The following KLHL32 variants were observed in gnomAD, a reference collection of about 807,000 sequenced individuals.
The protein encoded by KLHL32 is kelch like family member 32.
A neutral mutation model predicts 64.8 loss-of-function variants in KLHL32; 35 were observed. The observed-to-expected ratio is 0.54, with a 90% CI of 0.41 to 0.72. KLHL32 has a LOEUF of 0.72. Ranked by LOEUF, KLHL32 falls within the 30% of genes least tolerant of loss-of-function variation. The pLI, the probability that KLHL32 is intolerant of heterozygous loss-of-function variation, is 0.00. For missense variants in KLHL32, 589 were observed against 768.5 expected (o/e 0.77, Z 2.76); for synonymous variants, 259 against 281.0 (o/e 0.92, Z 0.78).
chr6:97,139,408 C>CA lies in KLHL32; in HGVS notation c.*132dup, dbSNP rs1401545862. ...GGTCTTATATTCGGATAAATTTAAGCAAAAAATGAACAATTTTCTAAAATA... is the reference window on the plus strand; with the variant it reads ...GGTCTTATATTCGGATAAATTTAAGCAAAAAAATGAACAATTTTCTAAAATA... On this transcript the variant is annotated 3_prime_UTR_variant, in exon 11 of 11. Coordinates refer to ENST00000369261, the MANE Select transcript of KLHL32 (RefSeq NM_052904.4). The CA allele has an allele frequency of 4.8e-6, 4 of 832,108 alleles. No homozygotes were observed. The East Asian group carries it at 7.9e-5, about 16-fold the overall frequency. 51.5% of individuals were successfully genotyped at this position (832,108 alleles called of 1,614,324 possible).
chr6:96,916,017 A>G, the KLHL32 span, among the ~76,000 whole-genome samples: 329 of 152,362 alleles, frequency 2.2e-3, no homozygotes, highest in Non-Finnish European at 3.7e-3. Flanking sequence ...AAAGGAGTTT[A>G]ATTGAGTAAT....
At chr6:97,036,757 C>T (rs1407891114) in intron 3 of KLHL32, among the ~76,000 whole-genome samples, 2 of 152,102 alleles carry the variant, frequency 1.3e-5, no homozygotes, top group Non-Finnish European at 2.9e-5. Flanking sequence ...CAGGTGTGGG[C>T]TCATGTGAAG....
rs190488195 is a variant in KLHL32 at position 97,062,685 on chromosome 6, G to A, written c.313-1943G>A. ...GTAACTTCATGAATATTGAGCAACA[G>A]CTATGTGTGCTGAACATTGTTCTAA... is the stretch of plus-strand genomic sequence containing the variant. On this transcript the variant is annotated intron_variant, in intron 4 of 10. Coordinates refer to ENST00000369261, the MANE Select transcript of KLHL32 (RefSeq NM_052904.4). Among the ~76,000 whole-genome samples the A allele has an allele frequency of 3.1e-3, 477 of 152,328 alleles. 4 individuals carry two copies. Among genetic ancestry groups the A allele is most frequent in the Non-Finnish European group, 4.5e-3 (303 of 68,036 alleles).
chr6:97,025,561 G>A (rs1182037179), intron 3 of KLHL32, among the ~76,000 whole-genome samples: 1 of 152,216 alleles, frequency 6.6e-6, no homozygotes, highest in African/African-American at 2.4e-5. Context: ...ACTGTGGTTT[G>A]AAGAAGTGGA....
At chr6:96,903,505 T>G in the KLHL32 span, among the ~76,000 whole-genome samples, 1 of 152,166 alleles carries the variant, frequency 6.6e-6, no homozygotes, top group African/African-American at 2.4e-5. Flanking sequence ...GCTGCCATGT[T>G]GTTAGAGGAT....
intron 3 of KLHL32, among the ~76,000 whole-genome samples, chr6:96,992,575 G>T (rs1417331171): frequency 6.6e-6 from 1 of 152,228 alleles, no homozygotes; most frequent in Admixed American, 6.5e-5. Context: ...TTGTGTATGT[G>T]TGAGAGAGAG....
chr6:97,123,094 A>G (rs779036509), intron 7 of KLHL32, among the ~76,000 whole-genome samples: 8 of 152,132 alleles, frequency 5.3e-5, no homozygotes, highest in Non-Finnish European at 1.2e-4. Context: ...AGTTTACTCT[A>G]TTTACCAACA....
At chr6:96,962,895 G>T (rs1263297903) in intron 1 of KLHL32, among the ~76,000 whole-genome samples, 1 of 152,152 alleles carries the variant, frequency 6.6e-6, no homozygotes, top group Non-Finnish European at 1.5e-5. Flanking sequence ...TTGCAAGCTG[G>T]ATTTATTTGG....
At position 97,114,068 on chromosome 6, in the gene KLHL32, A is replaced by G. The variant is rs540804852; in HGVS notation, c.913A>G (p.Lys305Glu). ...GGKKREVCKV[K>E]ELRYFNPVDQ... ...GAAAAAGCGCGAGGTCTGCAAGGTCAAGGAACTTCGGTACTTCAATCCTGT... is the reference window on the plus strand; with the variant it reads ...GAAAAAGCGCGAGGTCTGCAAGGTCGAGGAACTTCGGTACTTCAATCCTGT... The change falls in exon 7 of 11, where the codon AAG becomes GAG. Residue 305 changes from lysine (K) to glutamate (E), a missense_variant. This residue lies in a region of KLHL32 where 226 missense variants were observed against 353.2 expected (regional missense o/e 0.64). Coordinates refer to ENST00000369261, the MANE Select transcript of KLHL32 (RefSeq NM_052904.4). 12 of 1,614,234 alleles carry G rather than the reference A, an allele frequency of 7.4e-6. No homozygotes were observed. The Admixed American group carries it at 1.3e-4, about 18-fold the overall frequency.
chr6:96,901,328 C>CT, the KLHL32 span, among the ~76,000 whole-genome samples: 1,851 of 147,124 alleles, frequency 0.013, 9 homozygotes, highest in Non-Finnish European at 0.018. Context: ...TCCTGGATGC[C>CT]TTTTTTTTTT....
intron 3 of KLHL32, among the ~76,000 whole-genome samples, chr6:97,016,989 C>A (rs1053154862): frequency 1.3e-5 from 2 of 152,170 alleles, no homozygotes; most frequent in African/African-American, 4.8e-5. Flanking sequence ...TGAAGCCTCC[C>A]CAGCCATGTG....
chr6:97,138,000 GATA>G (rs1211741625), intron 10 of KLHL32, among the ~76,000 whole-genome samples: 3 of 152,170 alleles, frequency 2.0e-5, no homozygotes, highest in African/African-American at 4.8e-5. Flanking sequence ...ATTGCAATAT[GATA>G]ATGTCAATGA....
the KLHL32 span, chr6:96,914,819 C>T: frequency 3.3e-5 from 5 of 152,156 alleles, no homozygotes; most frequent in South Asian, 4.2e-4. Context: ...GCTGGTTCAC[C>T]CCACCTAGGC....
At chr6:97,058,057 A>G (rs578238518) in intron 4 of KLHL32, among the ~76,000 whole-genome samples, 1 of 152,196 alleles carries the variant, frequency 6.6e-6, no homozygotes, top group East Asian at 1.9e-4. Flanking sequence ...CATTGACCAT[A>G]TTTATGTGAG....
chr6:96,983,336 A>C (rs1283801455), intron 3 of KLHL32, among the ~76,000 whole-genome samples: 2 of 152,038 alleles, frequency 1.3e-5, no homozygotes, highest in Non-Finnish European at 2.9e-5. Context: ...TTGGTCTAAA[A>C]TTCTCTTTTT....
intron 3 of KLHL32, among the ~76,000 whole-genome samples, chr6:96,978,941 CT>C (rs1408537255): frequency 6.6e-6 from 1 of 151,988 alleles, no homozygotes; most frequent in Non-Finnish European, 1.5e-5. Context: ...GCATGTATGT[CT>C]TTTTTTGAAA....
chr6:96,898,992 GAAT>G, the KLHL32 span, among the ~76,000 whole-genome samples: 22 of 152,094 alleles, frequency 1.4e-4, no homozygotes, highest in East Asian at 2.7e-3. Context: ...TAATCGAATA[GAAT>G]AATAATAATA....
intron 8 of KLHL32, among the ~76,000 whole-genome samples, chr6:97,130,321 C>G (rs888178682): frequency 1.3e-5 from 2 of 152,166 alleles, no homozygotes; most frequent in Non-Finnish European, 2.9e-5. Context: ...CTCAAGATCA[C>G]ATACAAGTTA....
chr6:97,009,218 C>T (rs1780054611), intron 3 of KLHL32, among the ~76,000 whole-genome samples: 1 of 150,618 alleles, frequency 6.6e-6, no homozygotes, highest in South Asian at 2.1e-4. Context: ...TTTTCAAGCA[C>T]AATAGAGTGG....
Sources: gnomAD v4.1 joint callset for allele counts (sites outside exome capture counted in the v4.1 genomes callset) on GRCh38, gnomAD v4.1.1 for gene constraint, gnomAD v4.1.1 regional missense constraint, MANE v1.5 for transcripts, NCBI Gene and HGNC (gene_info 2026-07-23, HGNC 2026-07-21) for gene names.